The following TAFA1 variants were observed in gnomAD, a reference collection of about 807,000 sequenced individuals.
TAFA1 encodes the protein TAFA chemokine like family member 1, also known as chemokine-like protein TAFA-1.
In TAFA1, 4 loss-of-function variants were observed where a neutral mutation model predicts 18.5. The ratio of observed to expected loss-of-function variants is 0.22; its 90% CI spans 0.11 to 0.49. The LOEUF (loss-of-function observed/expected upper bound fraction) is 0.49. Ranked by LOEUF, TAFA1 falls within the 20% of genes least tolerant of loss-of-function variation. The probability of loss-of-function intolerance (pLI) is 0.98; values close to 1 mark genes in which losing one functional copy is unlikely to be tolerated. For missense variants in TAFA1, 147 were observed against 169.0 expected, an observed-to-expected ratio of 0.87 and a Z score of 0.72; for synonymous variants, 56 against 55.2, an observed-to-expected ratio of 1.01 and a Z score of -0.06.
At chr3:68,108,884 A>C (rs778767622) in intron 2 of TAFA1, among the ~76,000 whole-genome samples, 1 of 152,118 alleles carries the variant, frequency 6.6e-6, no homozygotes, top group Non-Finnish European at 1.5e-5. Context: ...ACTCTGTAGA[A>C]GTGACTTATA....
chr3:68,380,297 T>G (rs2069914554), intron 2 of TAFA1, among the ~76,000 whole-genome samples: 1 of 152,192 alleles, frequency 6.6e-6, no homozygotes, highest in Non-Finnish European at 1.5e-5. Context: ...ATGGGATGGC[T>G]GGGTCAAATG....
chr3:68,259,273 A>C (rs540490370), intron 2 of TAFA1, among the ~76,000 whole-genome samples: 1 of 152,298 alleles, frequency 6.6e-6, no homozygotes, highest in Admixed American at 6.5e-5. Context: ...TCTTTAGTTC[A>C]ACAATGTAAC....
At chr3:68,122,798 G>GTA (rs755150038) in intron 2 of TAFA1, among the ~76,000 whole-genome samples, 32 of 151,690 alleles carry the variant, frequency 2.1e-4, no homozygotes, top group Admixed American at 6.6e-4. Flanking sequence ...GTATATGTGT[G>GTA]TATATATATA....
intron 2 of TAFA1, among the ~76,000 whole-genome samples, chr3:68,184,994 A>G (rs908211916): frequency 1.3e-5 from 2 of 152,258 alleles, no homozygotes; most frequent in East Asian, 1.9e-4. Flanking sequence ...TCTTCATTCA[A>G]TTTAAACCAA....
chr3:68,064,886 G>A (rs1360697795), intron 2 of TAFA1, among the ~76,000 whole-genome samples: 3 of 151,396 alleles, frequency 2.0e-5, no homozygotes, highest in Non-Finnish European at 2.9e-5. Flanking sequence ...TTCTTTCTAG[G>A]GAATATCAGC....
intron 3 of TAFA1, among the ~76,000 whole-genome samples, chr3:68,483,687 T>C (rs1262798639): frequency 6.6e-6 from 1 of 152,178 alleles, no homozygotes; most frequent in East Asian, 1.9e-4. Flanking sequence ...GAAAAATACC[T>C]CCCTGAAACA....
intron 3 of TAFA1, among the ~76,000 whole-genome samples, chr3:68,506,458 C>A (rs1168734970): frequency 2.9e-5 from 4 of 136,106 alleles, no homozygotes; most frequent in African/African-American, 7.8e-5. Flanking sequence ...GTGTGTTCAA[C>A]ACACACACAC....
chr3:68,204,483 C>T (rs1343235403), intron 2 of TAFA1, among the ~76,000 whole-genome samples: 1 of 151,144 alleles, frequency 6.6e-6, no homozygotes, highest in African/African-American at 2.4e-5. Context: ...ATGATGTGCT[C>T]AGCTGTGGAC....
rs920880331 is a variant in TAFA1, at chr3:68,411,284, C to A, written c.119-5996C>A. ...GTAAAAAACACATAGGAATGTGGGA[C>A]GGTGTGTATTTTACAAGCATACTAT... On this transcript the variant is annotated intron_variant, in intron 2 of 4. Transcript: ENST00000478136. Among the ~76,000 whole-genome samples the A allele has an allele frequency of 2.0e-5, 3 of 152,112 alleles. No homozygotes were observed. The East Asian group carries it at 5.8e-4, about 29-fold the overall frequency.
At chr3:68,163,836 T>A (rs1178286130) in intron 2 of TAFA1, among the ~76,000 whole-genome samples, 1 of 152,226 alleles carries the variant, frequency 6.6e-6, no homozygotes, top group Non-Finnish European at 1.5e-5. Context: ...AGCATGTAAG[T>A]AGACCGTGTA....
chr3:68,145,502 C>A, intron 2 of TAFA1: 1 of 975,726 alleles, frequency 1.0e-6, no homozygotes, highest in Non-Finnish European at 1.7e-6. Flanking sequence ...GCCCAGAAAG[C>A]CAGTTGCAGG....
At chr3:68,490,840 C>CTT (rs3037411) in intron 3 of TAFA1, among the ~76,000 whole-genome samples, 36,053 of 147,318 alleles carry the variant, frequency 0.24, 4,765 homozygotes, top group East Asian at 0.48. Context: ...TCTTTTTTTT[C>CTT]TTTTTTTTTT....
chr3:68,038,407 T>C (rs1277300078), intron 2 of TAFA1, among the ~76,000 whole-genome samples: 1 of 152,152 alleles, frequency 6.6e-6, no homozygotes, highest in Admixed American at 6.6e-5. Context: ...TCGAGGTCAG[T>C]GTAACAGTTT....
At chr3:68,331,159 A>G (rs1379334744) in intron 2 of TAFA1, among the ~76,000 whole-genome samples, 1 of 152,350 alleles carries the variant, frequency 6.6e-6, no homozygotes, top group Middle Eastern at 3.4e-3. Context: ...CCTAAAATTC[A>G]TGATGCTAAC....
intron 3 of TAFA1, among the ~76,000 whole-genome samples, chr3:68,502,754 C>G (rs909291738): frequency 1.3e-5 from 2 of 152,110 alleles, no homozygotes; most frequent in Admixed American, 1.3e-4. Flanking sequence ...ATGCAAAGAG[C>G]TATGGCATCA....
intron 2 of TAFA1, among the ~76,000 whole-genome samples, chr3:68,335,689 T>C (rs1335860578): frequency 6.6e-6 from 1 of 152,134 alleles, no homozygotes; most frequent in African/African-American, 2.4e-5. Context: ...CTTTGGTAGG[T>C]TGAGTTCGCT....
chr3:68,122,173 C>G (rs1013162790), intron 2 of TAFA1, among the ~76,000 whole-genome samples: 9 of 151,920 alleles, frequency 5.9e-5, no homozygotes, highest in African/African-American at 2.2e-4. Context: ...CTGTCTAGGT[C>G]TCTGATATGA....
chr3:68,121,942 C>T (rs1383586550), intron 2 of TAFA1, among the ~76,000 whole-genome samples: 1 of 152,076 alleles, frequency 6.6e-6, no homozygotes, highest in Non-Finnish European at 1.5e-5. Context: ...ATTTTGCATT[C>T]ATTAATAATG....
At chr3:68,196,675 A>C (rs2066414528) in intron 2 of TAFA1, among the ~76,000 whole-genome samples, 1 of 151,760 alleles carries the variant, frequency 6.6e-6, no homozygotes, top group Non-Finnish European at 1.5e-5. Context: ...ACCAAGGCTC[A>C]AACTGCTGTT....
Sources: gnomAD v4.1 joint callset for allele counts (sites outside exome capture counted in the v4.1 genomes callset) on GRCh38, gnomAD v4.1.1 for gene constraint, MANE v1.5 for transcripts, NCBI Gene and HGNC (gene_info 2026-07-23, HGNC 2026-07-21) for gene names.